Variants in ANKRD30B observed in about 807,000 individuals in gnomAD.
ANKRD30B encodes the protein ankyrin repeat domain-containing protein 30B.
ANKRD30B carries 144 observed loss-of-function variants against 202.2 expected under a neutral mutation model. The ratio of observed to expected loss-of-function variants is 0.71; its 90% CI spans 0.62 to 0.82. ANKRD30B has a LOEUF of 0.82. Among genes scored for constraint, ANKRD30B ranks in the 40% least tolerant of loss-of-function variants. The pLI, the probability that ANKRD30B is intolerant of heterozygous loss-of-function variation, is 0.00. For synonymous variants in ANKRD30B, 508 were observed against 561.3 expected (o/e 0.91, Z 1.34); for missense variants, 1,487 against 1,669.1 (o/e 0.89, Z 1.90).
At chr18:14,752,465 T>C (rs1198205852) in intron 1 of ANKRD30B, 101 bp from the exon 2 acceptor site, 1 of 793,958 alleles carries the variant, frequency 1.3e-6, no homozygotes, top group African/African-American at 1.8e-5. Flanking sequence ...GTTTTGAAGG[T>C]AGAGAAAGAG....
intron 7 of ANKRD30B, among the ~76,000 whole-genome samples, chr18:14,768,374 C>T (rs1916580662): frequency 6.6e-6 from 1 of 152,110 alleles, no homozygotes; most frequent in African/African-American, 2.4e-5. Flanking sequence ...ATGTGTTTCC[C>T]TTAGTATTTG....
chr18:14,934,908 C>CACACACACACACACA, the ANKRD30B span, among the ~76,000 whole-genome samples: 4 of 134,602 alleles, frequency 3.0e-5, no homozygotes, highest in African/African-American at 1.2e-4. Flanking sequence ...CCTCCCTCTA[C>CACACACACACACACA]CACACACACA....
chr18:14,770,590 A>G (rs1044667634), intron 8 of ANKRD30B, among the ~76,000 whole-genome samples: 1 of 152,196 alleles, frequency 6.6e-6, no homozygotes, highest in Admixed American at 6.5e-5. Flanking sequence ...TTGAAAAGAA[A>G]CAATCCCAGG....
downstream of ANKRD30B, among the ~76,000 whole-genome samples, chr18:14,856,107 C>A (rs1478036421): frequency 1.4e-5 from 2 of 141,952 alleles, no homozygotes; most frequent in African/African-American, 5.2e-5. Flanking sequence ...CGCTCCTCAC[C>A]TCCCAGACGG....
At chr18:14,900,240 C>T in the ANKRD30B span, among the ~76,000 whole-genome samples, 566 of 152,232 alleles carry the variant, frequency 3.7e-3, 13 homozygotes, top group Admixed American at 0.027. Flanking sequence ...ATAAGTGATA[C>T]ATGAGTATAT....
intron 11 of ANKRD30B, among the ~76,000 whole-genome samples, chr18:14,781,797 A>G (rs1282907964): frequency 6.6e-6 from 1 of 152,172 alleles, no homozygotes; most frequent in East Asian, 1.9e-4. Context: ...TATGGCCCTG[A>G]TCAGCTAGTC....
rs924469555 is a variant in ANKRD30B, at chr18:14,810,191, T to C, written c.2488+11T>C. ...AAACATTAAAAGCAGGTAAACTTTG[T>C]AATTTAAATTTTACTCTGGAATTAA... On this transcript the variant is annotated intron_variant, in intron 28 of 43. Coordinates refer to ENST00000690538, the MANE Select transcript of ANKRD30B (RefSeq NM_001367607.2). 1.1e-5 allele frequency: 15 copies of C among 1,329,652 alleles called. No homozygotes were observed. The highest frequency in any genetic ancestry group is 1.5e-5 in the African/African-American group (1 of 67,004). The allele number at this position is 1,329,652 out of a possible 1,614,324, so 82.4% of individuals were successfully genotyped here. A position where few individuals can be genotyped will look rare whatever the true frequency, so the allele number is the denominator to read the frequency against.
At chr18:14,805,451 C>T (rs898139393) in intron 24 of ANKRD30B, among the ~76,000 whole-genome samples, 1 of 150,482 alleles carries the variant, frequency 6.6e-6, no homozygotes, top group South Asian at 2.1e-4. Context: ...ATTGAGATGG[C>T]AAAGCTAGAA....
At chr18:14,755,064 G>C (rs1914118450) in intron 4 of ANKRD30B, 59 bp downstream of exon 4, 4 of 921,730 alleles carry the variant, frequency 4.3e-6, no homozygotes. Context: ...GAGTAATAAT[G>C]CTCAAGTCAG....
chr18:14,782,651 A>G (rs777237860), intron 12 of ANKRD30B, 37 bp downstream of exon 12: 3 of 1,408,844 alleles, frequency 2.1e-6, no homozygotes, highest in Non-Finnish European at 1.9e-6. Context: ...TCTTTTAACC[A>G]TATGTTTGTC....
intron 4 of ANKRD30B, among the ~76,000 whole-genome samples, chr18:14,755,885 G>A (rs995466693): frequency 0.015 from 2,258 of 152,192 alleles, 55 homozygotes; most frequent in African/African-American, 0.052. Flanking sequence ...TGTCTTTATA[G>A]CAGCATGATT....
chr18:14,883,391 C>CTATATA, the ANKRD30B span: 2 of 93,794 alleles, frequency 2.1e-5, no homozygotes, highest in Non-Finnish European at 4.0e-5. Context: ...CTCTCTCTCT[C>CTATATA]TCTCTCTCTA....
intron 6 of ANKRD30B, among the ~76,000 whole-genome samples, chr18:14,763,106 CT>C (rs1347525792): frequency 6.6e-5 from 10 of 151,808 alleles, no homozygotes; most frequent in African/African-American, 2.4e-4. Context: ...TTATTATTAT[CT>C]TTTTTATTAT....
Position 14,830,459 on chromosome 18 carries a change from T to C in ANKRD30B, c.2775-924T>C, listed in dbSNP as rs757810884. Among the ~76,000 whole-genome samples, 111 of 152,264 alleles carry C rather than the reference T, an allele frequency of 7.3e-4. 1 individual carries two copies. The highest frequency in any genetic ancestry group is 1.3e-3 in the Non-Finnish European group (88 of 67,992). On this transcript the variant is annotated intron_variant, in intron 33 of 43. Transcript: ENST00000690538. ...CCCAATAACAAATATAGATTTGTAT[T>C]TTGACATTTGTAGGTTCAGCTTTTC...
the ANKRD30B span, chr18:14,883,395 C>CTATATA: frequency 2.7e-5 from 2 of 74,908 alleles, no homozygotes; most frequent in Non-Finnish European, 4.9e-5. Flanking sequence ...CTCTCTCTCT[C>CTATATA]TCTCTATATA....
At chr18:14,762,995 A>G (rs1915500678) in intron 6 of ANKRD30B, among the ~76,000 whole-genome samples, 1 of 152,122 alleles carries the variant, frequency 6.6e-6, no homozygotes, top group African/African-American at 2.4e-5. Flanking sequence ...TCCACTTAAC[A>G]AATAACTGTC....
chr18:14,882,618 T>C, the ANKRD30B span, among the ~76,000 whole-genome samples: 1 of 152,132 alleles, frequency 6.6e-6, no homozygotes. Flanking sequence ...ATCTGTTAAG[T>C]CCATTTGTTC....
At chr18:14,828,980 A>G (rs1231119605) in intron 33 of ANKRD30B, among the ~76,000 whole-genome samples, 1 of 152,116 alleles carries the variant, frequency 6.6e-6, no homozygotes, top group Non-Finnish European at 1.5e-5. Context: ...CTATTTACTG[A>G]CTTCTTAGTT....
intron 9 of ANKRD30B, among the ~76,000 whole-genome samples, chr18:14,774,209 T>G (rs932078717): frequency 2.0e-5 from 3 of 152,156 alleles, no homozygotes; most frequent in Non-Finnish European, 4.4e-5. Flanking sequence ...GTGTAAATAC[T>G]GATCAGCATT....
Sources: allele counts gnomAD v4.1 joint callset (sites outside exome capture counted in the v4.1 genomes callset), GRCh38; gene constraint gnomAD v4.1.1; transcripts MANE v1.5; gene names NCBI Gene and HGNC (gene_info 2026-07-23, HGNC 2026-07-21).